The following TLN2 variants were observed in gnomAD, a reference collection of about 807,000 sequenced individuals.
The protein encoded by TLN2 is talin 2.
TLN2 carries 118 observed loss-of-function variants against 294.7 expected under a neutral mutation model. The observed-to-expected ratio is 0.40, with a 90% CI of 0.34 to 0.47. The LOEUF (loss-of-function observed/expected upper bound fraction) is 0.47, where lower values mean the gene tolerates loss of function less well. Ranked by LOEUF, TLN2 falls within the 20% of genes least tolerant of loss-of-function variation. The probability of loss-of-function intolerance (pLI) is 0.84; values close to 1 mark genes in which losing one functional copy is unlikely to be tolerated. For missense variants in TLN2, 3,083 were observed against 3,282.2 expected (o/e 0.94, Z 1.48); for synonymous variants, 1,431 against 1,304.5 (o/e 1.10, Z -2.09).
chr15:62,401,029 T>G (rs2032983843), intron 1 of TLN2, among the ~76,000 whole-genome samples: 2 of 152,128 alleles, frequency 1.3e-5, no homozygotes, highest in South Asian at 4.1e-4. Context: ...TTGCCCAGGC[T>G]GGTCTCAAAC....
At chr15:62,630,863 G>A (rs556655041) in intron 3 of TLN2, among the ~76,000 whole-genome samples, 5 of 152,088 alleles carry the variant, frequency 3.3e-5, no homozygotes, top group East Asian at 1.9e-4. Flanking sequence ...ACATTCAGAC[G>A]AGTTCACCAA....
chr15:62,708,653 G>T lies in TLN2; in HGVS notation c.2324G>T (p.Ser775Ile). 1.2e-6 allele frequency: 2 copies of T among 1,614,222 alleles called. No individual in the cohort carries two copies. Among genetic ancestry groups the T allele is most frequent in the Non-Finnish European group, 1.7e-6 (2 of 1,180,056 alleles). The change falls in exon 21 of 59, where the codon AGC becomes ATC. Residue 775 changes from serine (S) to isoleucine (I), a missense_variant. Ser to Ile is a moderately radical substitution (Grantham distance 142). Coordinates refer to ENST00000636159, the MANE Select transcript of TLN2 (RefSeq NM_015059.3). ...CTGAAGCAGGTCAGCGCAGCGGCCAGCGTGGTCAGCCAGGCCCTCCATGAT... is the reference window on the plus strand; with the variant it reads ...CTGAAGCAGGTCAGCGCAGCGGCCATCGTGGTCAGCCAGGCCCTCCATGAT... ...ELLKQVSAAA[S>I]VVSQALHDLL...
chr15:62,685,875 A>G (rs2141040708), intron 11 of TLN2, among the ~76,000 whole-genome samples: 1 of 152,284 alleles, frequency 6.6e-6, no homozygotes, highest in South Asian at 2.1e-4. Flanking sequence ...AAAAGTATGT[A>G]TATTTTGAGT....
chr15:62,566,658 G>T (rs28524904), intron 1 of TLN2, among the ~76,000 whole-genome samples: 2,025 of 143,278 alleles, frequency 0.014, 48 homozygotes, highest in African/African-American at 0.048. Context: ...GGGCCTTGCT[G>T]TGTTACCCAG....
intron 1 of TLN2, among the ~76,000 whole-genome samples, chr15:62,545,691 C>T (rs1406983423): frequency 2.0e-5 from 3 of 152,166 alleles, no homozygotes; most frequent in African/African-American, 7.2e-5. Context: ...GGACAGCAGC[C>T]TGAAATCCAT....
At chr15:62,648,778 A>G (rs977170223) in intron 4 of TLN2, among the ~76,000 whole-genome samples, 4 of 151,870 alleles carry the variant, frequency 2.6e-5, no homozygotes, top group African/African-American at 9.7e-5. Context: ...TGAACTCCTG[A>G]CCTCTGGTGA....
chr15:62,813,132 A>G (rs1054655571), intron 52 of TLN2, among the ~76,000 whole-genome samples: 3 of 152,164 alleles, frequency 2.0e-5, no homozygotes, highest in Non-Finnish European at 4.4e-5. Context: ...AACAGATTGC[A>G]CTTTGTGGCC....
chr15:62,731,275 G>A (rs1358264476), intron 28 of TLN2, among the ~76,000 whole-genome samples: 1 of 149,514 alleles, frequency 6.7e-6, no homozygotes, highest in Non-Finnish European at 1.5e-5. Context: ...TGTTTTTATT[G>A]TCAGGGATTT....
At chr15:62,577,124 C>T (rs2044488109) in intron 1 of TLN2, among the ~76,000 whole-genome samples, 1 of 152,188 alleles carries the variant, frequency 6.6e-6, no homozygotes, top group African/African-American at 2.4e-5. Context: ...TTAGGGAAAA[C>T]AGCTTTGTTA....
chr15:62,424,433 G>C (rs2034587576), intron 1 of TLN2, among the ~76,000 whole-genome samples: 1 of 152,168 alleles, frequency 6.6e-6, no homozygotes, highest in Non-Finnish European at 1.5e-5. Context: ...GGGTAGGGAA[G>C]GATGGCTCTG....
intron 9 of TLN2, among the ~76,000 whole-genome samples, chr15:62,663,758 A>G (rs2054191679): frequency 1.3e-5 from 2 of 152,042 alleles, no homozygotes; most frequent in South Asian, 2.1e-4. Context: ...ATAAAAGTTT[A>G]TTGAGGAGCA....
At chr15:62,818,998 G>A (rs1300661021) in intron 52 of TLN2, among the ~76,000 whole-genome samples, 2 of 152,040 alleles carry the variant, frequency 1.3e-5, no homozygotes, top group Non-Finnish European at 2.9e-5. Flanking sequence ...TGGGACTACA[G>A]GTGTGTGCCA....
At chr15:62,546,246 T>C (rs984651147) in intron 1 of TLN2, among the ~76,000 whole-genome samples, 3 of 152,202 alleles carry the variant, frequency 2.0e-5, no homozygotes, top group African/African-American at 7.2e-5. Context: ...TTGGCTTTGA[T>C]GAAATCGATT....
chr15:62,812,477 G>A lies in TLN2; in HGVS notation c.6771+2445G>A, dbSNP rs114199414. Among the ~76,000 whole-genome samples the A allele has an allele frequency of 9.6e-3, 1,466 of 152,298 alleles. 25 individuals are homozygous for A. The highest frequency in any genetic ancestry group is 0.033 in the African/African-American group (1,357 of 41,550). On this transcript the variant is annotated intron_variant, in intron 52 of 58. Transcript: ENST00000636159. ...TCTGACACGTACAAAGGCCTGGATG[G>A]AAATGGAGTGAAGGTCTCCCCTTTC...
At chr15:62,485,701 G>A (rs577388164) in intron 1 of TLN2, among the ~76,000 whole-genome samples, 4 of 152,234 alleles carry the variant, frequency 2.6e-5, no homozygotes, top group African/African-American at 9.6e-5. Context: ...TACTTCTTAG[G>A]GAGACCTCAC....
chr15:62,589,411 T>A (rs2045914411), intron 1 of TLN2, among the ~76,000 whole-genome samples: 1 of 152,210 alleles, frequency 6.6e-6, no homozygotes, highest in African/African-American at 2.4e-5. Flanking sequence ...TTTGTTTAAA[T>A]TCAAAGCCAT....
rs1387227406 is a variant in TLN2, at chr15:62,697,992, C to T, written c.1473+124C>T. On this transcript the variant is annotated intron_variant, in intron 15 of 58. Coordinates refer to ENST00000636159, the MANE Select transcript of TLN2 (RefSeq NM_015059.3). ...TCTATTTCCCGGCTGAACCATGCCT[C>T]GTTCAGCTGTGCATTTTTTAAATTG... The T allele has an allele frequency of 1.1e-5, 13 of 1,225,696 alleles. No homozygotes were observed. The Admixed American group carries it at 1.4e-4, about 13-fold the overall frequency. 75.9% of individuals were successfully genotyped at this position (1,225,696 alleles called of 1,614,324 possible). A position where few individuals can be genotyped will look rare whatever the true frequency, so the allele number is the denominator to read the frequency against.
chr15:62,502,982 T>G (rs1381355167), intron 1 of TLN2, among the ~76,000 whole-genome samples: 1 of 152,194 alleles, frequency 6.6e-6, no homozygotes, highest in Non-Finnish European at 1.5e-5. Context: ...CAGTTCCGTT[T>G]GCTGCGTTTT....
At position 62,694,411 on chromosome 15, in the gene TLN2, A is replaced by G. The variant is rs1046442860; in HGVS notation, c.1292+19A>G. On this transcript the variant is annotated intron_variant, in intron 14 of 58. Transcript: ENST00000636159. ...CAAAAAAGTAAGTATTATGAAGAGT[A>G]CTAGAGGACCACCTTCTCCCTAGAT... 1.2e-6 allele frequency: 2 copies of G among 1,608,932 alleles called. No individual in the cohort carries two copies. Among genetic ancestry groups the G allele is most frequent in the Non-Finnish European group, 1.7e-6 (2 of 1,175,458 alleles).
Sources: allele counts gnomAD v4.1 joint callset (sites outside exome capture counted in the v4.1 genomes callset), GRCh38; gene constraint gnomAD v4.1.1; transcripts MANE v1.5; gene names NCBI Gene and HGNC (gene_info 2026-07-23, HGNC 2026-07-21).